The following MAML2 variants were observed in gnomAD, a reference collection of about 807,000 sequenced individuals.
MAML2 encodes mastermind like transcriptional coactivator 2.
A neutral mutation model predicts 96.1 loss-of-function variants in MAML2; 22 were observed. That is an observed-to-expected ratio of 0.23 (90% confidence interval 0.16 to 0.33). The LOEUF is 0.33. MAML2 is among the 10% of genes least tolerant of loss of function. The pLI is 1.00. For synonymous variants in MAML2, 561 were observed against 521.3 expected, an observed-to-expected ratio of 1.08 and a Z score of -1.04; for missense variants, 1,367 against 1,392.4, an observed-to-expected ratio of 0.98 and a Z score of 0.29.
chr11:96,217,371 T>A (rs1862065980), intron 1 of MAML2, among the ~76,000 whole-genome samples: 1 of 152,254 alleles, frequency 6.6e-6, no homozygotes, highest in East Asian at 1.9e-4. Flanking sequence ...ACGGTGCTGT[T>A]GATACAGTTC....
At chr11:96,002,472 G>A (rs1307813127) in intron 2 of MAML2, among the ~76,000 whole-genome samples, 3 of 152,184 alleles carry the variant, frequency 2.0e-5, no homozygotes, top group African/African-American at 4.8e-5. Context: ...TCTTAGGAAA[G>A]AAAAGTTAGT....
At chr11:96,168,790 C>T (rs1861233779) in intron 1 of MAML2, among the ~76,000 whole-genome samples, 1 of 152,160 alleles carries the variant, frequency 6.6e-6, no homozygotes, top group Admixed American at 6.5e-5. Context: ...AAATGAAGTA[C>T]ATAAAATTCA....
chr11:96,175,200 A>G (rs1861364382), intron 1 of MAML2, among the ~76,000 whole-genome samples: 1 of 152,350 alleles, frequency 6.6e-6, no homozygotes, highest in Non-Finnish European at 1.5e-5. Flanking sequence ...TTTGTGACCC[A>G]GAAAATTTTA....
intron 2 of MAML2, among the ~76,000 whole-genome samples, chr11:96,038,750 A>AC (rs1448554282): frequency 1.3e-5 from 2 of 151,784 alleles, no homozygotes; most frequent in Non-Finnish European, 2.9e-5. Flanking sequence ...CTAACTCTCT[A>AC]CCTTGCTTAA....
intron 1 of MAML2, among the ~76,000 whole-genome samples, chr11:96,165,271 A>C (rs1255331137): frequency 6.6e-6 from 1 of 152,178 alleles, no homozygotes. Flanking sequence ...AGGCTTGTTA[A>C]AACACAGAGT....
intron 2 of MAML2, among the ~76,000 whole-genome samples, chr11:96,035,227 T>C (rs1361425943): frequency 6.6e-6 from 1 of 152,178 alleles, no homozygotes; most frequent in African/African-American, 2.4e-5. Context: ...AGGGTAGACA[T>C]ATCAGTGGCA....
intron 1 of MAML2, among the ~76,000 whole-genome samples, chr11:96,121,039 T>G (rs768354324): frequency 6.6e-6 from 1 of 151,782 alleles, no homozygotes; most frequent in Non-Finnish European, 1.5e-5. Context: ...GGTAGCCAGA[T>G]TCATAACTAA....
rs1441341431 is a variant in MAML2 at position 95,991,538 on chromosome 11, C to A, written c.2325G>T (p.Gln775His). The A allele has an allele frequency of 2.5e-6, 4 of 1,613,586 alleles. No homozygotes were observed. The East Asian group carries it at 8.9e-5, about 36-fold the overall frequency. Reference protein sequence around the residue: ...MEQKQQLLLQQQMLADAEKIA... With the variant: ...MEQKQQLLLQHQMLADAEKIA... ...GTTTTACCGCGTCAGCCAGCATCTG[C>A]TGCTGGAGAAGAAGTTGCTGTTTCT... The change falls in exon 3 of 5, where the codon CAG becomes CAT. Residue 775 changes from glutamine to histidine, a missense_variant. Transcript: ENST00000524717.
chr11:96,012,829 G>A (rs1410298029), intron 2 of MAML2, among the ~76,000 whole-genome samples: 1 of 152,140 alleles, frequency 6.6e-6, no homozygotes, highest in Non-Finnish European at 1.5e-5. Flanking sequence ...GCTTTGACAA[G>A]CAACAAAAAC....
chr11:96,074,655 G>A (rs932214154), intron 2 of MAML2, among the ~76,000 whole-genome samples: 2 of 152,240 alleles, frequency 1.3e-5, no homozygotes, highest in Non-Finnish European at 2.9e-5. Context: ...GCATGGAGAC[G>A]CCCACCGGCT....
chr11:96,337,758 G>A (rs990244528), intron 1 of MAML2, among the ~76,000 whole-genome samples: 15 of 152,198 alleles, frequency 9.9e-5, no homozygotes, highest in African/African-American at 2.9e-4. Context: ...AGAAGAACCA[G>A]TATTATCATT....
At chr11:96,250,873 A>G (rs186808559) in intron 1 of MAML2, among the ~76,000 whole-genome samples, 20 of 152,350 alleles carry the variant, frequency 1.3e-4, no homozygotes, top group Admixed American at 2.6e-4. Flanking sequence ...TATTGCAAAA[A>G]GAGGATTTCT....
At chr11:96,149,274 G>A (rs1205698681) in intron 1 of MAML2, among the ~76,000 whole-genome samples, 2 of 151,570 alleles carry the variant, frequency 1.3e-5, no homozygotes, top group South Asian at 2.1e-4. Context: ...AAAGTTAGCT[G>A]GGCATGGTAG....
At chr11:96,015,368 A>G (rs1858329690) in intron 2 of MAML2, among the ~76,000 whole-genome samples, 1 of 152,184 alleles carries the variant, frequency 6.6e-6, no homozygotes, top group South Asian at 2.1e-4. Context: ...TAAAAGTAGT[A>G]AGGTGCCCAA....
At chr11:96,001,820 T>G (rs1288366960) in intron 2 of MAML2, among the ~76,000 whole-genome samples, 2 of 152,202 alleles carry the variant, frequency 1.3e-5, no homozygotes, top group East Asian at 3.8e-4. Context: ...CTCTGCATCT[T>G]TCTCCAGTAT....
intron 1 of MAML2, among the ~76,000 whole-genome samples, chr11:96,330,140 C>T (rs1863833838): frequency 6.6e-6 from 1 of 152,124 alleles, no homozygotes; most frequent in Non-Finnish European, 1.5e-5. Flanking sequence ...CAGCATCACC[C>T]AGGAGGGAAA....
At position 96,084,619 on chromosome 11, in the gene MAML2, T is replaced by C. The variant is rs113620116; in HGVS notation, c.2139+7273A>G. ...TTCAAGGCCTGCGATGAAACAGTCT[T>C]AAGTCAGTCAGGGCAAAGAGGCTGG... On this transcript the variant is annotated intron_variant, in intron 2 of 4. Transcript: ENST00000524717. Among the ~76,000 whole-genome samples the C allele has an allele frequency of 9.8e-3, 1,499 of 152,264 alleles. 24 individuals are homozygous for C. The highest frequency in any genetic ancestry group is 0.037 in the South Asian group (177 of 4,818).
Position 96,341,411 on chromosome 11 carries a change from CCTG to C in MAML2, c.482_484del (p.Pro161_Gly162delinsArg). 6.5e-7 allele frequency: 1 copy of C among 1,541,962 alleles called. No homozygotes were observed. The highest frequency in any genetic ancestry group is 1.4e-5 in the African/African-American group (1 of 73,088). On this transcript the variant is annotated inframe_deletion, in exon 1 of 5. Transcript: ENST00000524717. Reference sequence around the variant, plus strand: ...AATCAGGGCTGAGTTCCTCTGGTCCCCTGGGGTTGAAGCGGGCGGCTGCTGCTC... The same window carrying C: ...AATCAGGGCTGAGTTCCTCTGGTCCCGGGTTGAAGCGGGCGGCTGCTGCTC...
intron 2 of MAML2, among the ~76,000 whole-genome samples, chr11:96,026,365 G>T (rs1295130979): frequency 6.6e-6 from 1 of 152,326 alleles, no homozygotes; most frequent in East Asian, 1.9e-4. Context: ...TGTACATTGA[G>T]ATCATAGGGA....
Sources: allele counts gnomAD v4.1 joint callset (sites outside exome capture counted in the v4.1 genomes callset), GRCh38; gene constraint gnomAD v4.1.1; transcripts MANE v1.5; gene names NCBI Gene and HGNC (gene_info 2026-07-23, HGNC 2026-07-21).